Variants in TFB1M observed in about 807,000 individuals in gnomAD.
TFB1M encodes the protein dimethyladenosine transferase 1, mitochondrial.
A neutral mutation model predicts 31.1 loss-of-function variants in TFB1M; 27 were observed. The observed-to-expected ratio is 0.87, with a 90% CI of 0.64 to 1.20. The LOEUF (loss-of-function observed/expected upper bound fraction) is 1.20. TFB1M is among the 50% of genes most tolerant of loss of function. TFB1M has a pLI of 0.00. For synonymous variants in TFB1M, 166 were observed against 151.8 expected, an observed-to-expected ratio of 1.09 and a Z score of -0.69; for missense variants, 394 against 418.7, an observed-to-expected ratio of 0.94 and a Z score of 0.51.
At chr6:155,271,391 A>G (rs111594627) in intron 5 of TFB1M, among the ~76,000 whole-genome samples, 1,859 of 152,308 alleles carry the variant, frequency 0.012, 32 homozygotes, top group Non-Finnish European at 0.015. Context: ...TAATTTATTC[A>G]TAACATTTCC....
At chr6:155,309,069 C>T (rs781099626) in intron 2 of TFB1M, among the ~76,000 whole-genome samples, 1 of 152,134 alleles carries the variant, frequency 6.6e-6, no homozygotes, top group Non-Finnish European at 1.5e-5. Flanking sequence ...TACATTTCCT[C>T]TAGAGTAATT....
At chr6:155,312,851 G>A (rs2114823637) in intron 1 of TFB1M, among the ~76,000 whole-genome samples, 1 of 152,152 alleles carries the variant, frequency 6.6e-6, no homozygotes, top group South Asian at 2.1e-4. Context: ...TATTTAGAAT[G>A]TGGCTAATAA....
Position 155,257,025 on chromosome 6 carries a change from A to C in TFB1M, c.*811T>G. 3 of 1,614,162 alleles carry C rather than the reference A, an allele frequency of 1.9e-6. No individual in the cohort carries two copies. The highest frequency in any genetic ancestry group is 2.5e-6 in the Non-Finnish European group (3 of 1,180,014). Reference sequence around the variant, plus strand: ...AGTCTGAAAATGCCACCATCGACCTAAATTCTGTTCTAGAGCGAGAATTCA... The same window carrying C: ...AGTCTGAAAATGCCACCATCGACCTCAATTCTGTTCTAGAGCGAGAATTCA... On this transcript the variant is annotated 3_prime_UTR_variant, in exon 7 of 7. Transcript: ENST00000367166.
Position 155,257,478 on chromosome 6 carries a change from C to A in TFB1M, c.*358G>T. 2 of 327,880 alleles carry A rather than the reference C, an allele frequency of 6.1e-6. No individual in the cohort carries two copies. Among genetic ancestry groups the A allele is most frequent in the South Asian group, 3.8e-5 (1 of 26,536 alleles). The allele number at this position is 327,880 out of a possible 1,614,324, so 20.3% of individuals were successfully genotyped here. ...GGGCCATTTTTTAAAATCCTCTGGG[C>A]ATTTTCTTTCAGCTGTTTGTTAGTT... On this transcript the variant is annotated 3_prime_UTR_variant, in exon 7 of 7. Transcript: ENST00000367166.
At chr6:155,235,006 T>G in the TFB1M span, among the ~76,000 whole-genome samples, 1 of 117,718 alleles carries the variant, frequency 8.5e-6, no homozygotes, top group Non-Finnish European at 2.2e-5. Flanking sequence ...CAGCTAGAGA[T>G]GGAGCACAGC....
At chr6:155,281,529 T>G (rs1293957707) in intron 5 of TFB1M, among the ~76,000 whole-genome samples, 1 of 151,988 alleles carries the variant, frequency 6.6e-6, no homozygotes, top group African/African-American at 2.4e-5. Flanking sequence ...CGAGACCAGC[T>G]TGGCCAACAT....
intron 5 of TFB1M, among the ~76,000 whole-genome samples, chr6:155,273,165 A>C (rs1466017742): frequency 1.3e-5 from 2 of 152,066 alleles, no homozygotes; most frequent in African/African-American, 4.8e-5. Context: ...CATGTGCTTG[A>C]TTTTTTTTCT....
chr6:155,253,316 T>C (rs1024345732), downstream of TFB1M: 3 of 445,794 alleles, frequency 6.7e-6, no homozygotes, highest in East Asian at 3.6e-5. Context: ...TTTTCCTTTC[T>C]GCCTTGATAC....
At chr6:155,254,198 G>C (rs183943176), downstream of TFB1M, 4 of 1,028,060 alleles carry the variant, frequency 3.9e-6, no homozygotes, top group Non-Finnish European at 5.6e-6. Flanking sequence ...AGGCAACTGA[G>C]GCCGCTAGTA....
At chr6:155,280,836 C>T (rs1562402545) in intron 5 of TFB1M, among the ~76,000 whole-genome samples, 1 of 152,210 alleles carries the variant, frequency 6.6e-6, no homozygotes, top group Non-Finnish European at 1.5e-5. Context: ...GCCTCAATAG[C>T]TGTGAACAAG....
At chr6:155,243,731 C>T in the TFB1M span, among the ~76,000 whole-genome samples, 7,626 of 151,392 alleles carry the variant, frequency 0.05, 251 homozygotes, top group Middle Eastern at 0.075. Flanking sequence ...CCTGTAGTCC[C>T]AGCTATGTGG....
chr6:155,251,913 TAAAG>T, downstream of TFB1M: 1 of 1,556,230 alleles, frequency 6.4e-7, no homozygotes, highest in Non-Finnish European at 8.8e-7. Flanking sequence ...TTGCATAAAA[TAAAG>T]ACTTTCTTTC....
rs1183947767 is a variant in TFB1M, at chr6:155,314,292, C to T, written c.133+4G>A. 1.9e-6 allele frequency: 3 copies of T among 1,613,728 alleles called. No homozygotes were observed. In the African/African-American group the frequency reaches 4.0e-5, roughly 22 times the overall value. On this transcript the variant is annotated splice_donor_region_variant and intron_variant, in intron 1 of 6. Transcript: ENST00000367166. ...CATCCGGGGAGCACTGCTAAGCCATCCACCTGTCAGCCTCAAGTCCAGGAG... is the reference window on the plus strand; with the variant it reads ...CATCCGGGGAGCACTGCTAAGCCATTCACCTGTCAGCCTCAAGTCCAGGAG...
intron 5 of TFB1M, among the ~76,000 whole-genome samples, chr6:155,275,159 G>T (rs763967046): frequency 4.6e-5 from 7 of 152,186 alleles, no homozygotes; most frequent in Admixed American, 1.3e-4. Flanking sequence ...CCAGGAGGTG[G>T]AGCTTGCAGT....
chr6:155,285,674 C>T (rs1265736254), intron 4 of TFB1M, among the ~76,000 whole-genome samples: 1 of 152,042 alleles, frequency 6.6e-6, no homozygotes, highest in African/African-American at 2.4e-5. Flanking sequence ...TCTGAATCAC[C>T]CCAATATATG....
intron 5 of TFB1M, among the ~76,000 whole-genome samples, chr6:155,275,412 T>C (rs1289425525): frequency 6.6e-6 from 1 of 152,176 alleles, no homozygotes; most frequent in Non-Finnish European, 1.5e-5. Context: ...CTTTATGCCC[T>C]GTATCAACAC....
chr6:155,247,451 CCT>C, the TFB1M span, among the ~76,000 whole-genome samples: 73 of 152,202 alleles, frequency 4.8e-4, no homozygotes, highest in African/African-American at 1.7e-3. Flanking sequence ...CCCTCAGCCT[CCT>C]GAGTAGCTGG....
chr6:155,307,168 T>TAC (rs1345522438), intron 2 of TFB1M, among the ~76,000 whole-genome samples: 3 of 137,044 alleles, frequency 2.2e-5, no homozygotes, highest in African/African-American at 8.5e-5. Flanking sequence ...CACACACACA[T>TAC]ATACACACAG....
intron 5 of TFB1M, among the ~76,000 whole-genome samples, chr6:155,277,365 T>C (rs928974159): frequency 1.3e-5 from 2 of 152,244 alleles, no homozygotes. Flanking sequence ...AAAATATAAA[T>C]TATGATATGT....
Sources: gnomAD v4.1 joint callset for allele counts (sites outside exome capture counted in the v4.1 genomes callset) on GRCh38, gnomAD v4.1.1 for gene constraint, MANE v1.5 for transcripts, NCBI Gene and HGNC (gene_info 2026-07-23, HGNC 2026-07-21) for gene names.